KCNU1: variants seen among roughly 807,000 people sequenced by gnomAD.
KCNU1 encodes the protein potassium calcium-activated channel subfamily U member 1.
In KCNU1, 93 loss-of-function variants were observed where a neutral mutation model predicts 126.8. That is an observed-to-expected ratio of 0.73 (90% confidence interval 0.62 to 0.87). The LOEUF (loss-of-function observed/expected upper bound fraction) is 0.87. Ranked by LOEUF, KCNU1 falls within the 40% of genes least tolerant of loss-of-function variation. The pLI, the probability that KCNU1 is intolerant of heterozygous loss-of-function variation, is 0.00. For synonymous variants in KCNU1, 523 were observed against 494.2 expected, an observed-to-expected ratio of 1.06 and a Z score of -0.77; for missense variants, 1,330 against 1,367.1, an observed-to-expected ratio of 0.97 and a Z score of 0.43.
At chr8:36,833,105 T>C (rs1348913802) in intron 10 of KCNU1, among the ~76,000 whole-genome samples, 1 of 152,192 alleles carries the variant, frequency 6.6e-6, no homozygotes, top group African/African-American at 2.4e-5. Context: ...ATTTGTGTGT[T>C]CTTTATAAAA....
intron 19 of KCNU1, among the ~76,000 whole-genome samples, chr8:36,880,439 A>G (rs1319054027): frequency 6.6e-6 from 1 of 152,118 alleles, no homozygotes; most frequent in Non-Finnish European, 1.5e-5. Context: ...AAGTTTTTAT[A>G]GCCTTACATT....
intron 19 of KCNU1, among the ~76,000 whole-genome samples, chr8:36,901,260 C>A (rs1490831088): frequency 6.6e-6 from 1 of 152,108 alleles, no homozygotes; most frequent in African/African-American, 2.4e-5. Context: ...GAAACCTAGT[C>A]CACCTTCTTA....
At chr8:36,787,480 A>G in intron 2 of KCNU1, 55 bp downstream of exon 2, 1 of 1,536,654 alleles carries the variant, frequency 6.5e-7, no homozygotes, top group Non-Finnish European at 8.8e-7. Context: ...AGGTGTGATT[A>G]TAGTCAGCAC....
At chr8:36,832,114 A>T (rs775716967) in intron 10 of KCNU1, among the ~76,000 whole-genome samples, 20 of 152,096 alleles carry the variant, frequency 1.3e-4, no homozygotes, top group Non-Finnish European at 2.4e-4. Flanking sequence ...TGTTCCATTG[A>T]TCTATATCTC....
intron 6 of KCNU1, 74 bp from the exon 7 acceptor site, chr8:36,808,644 A>G (rs765936947): frequency 3.6e-5 from 32 of 896,942 alleles, no homozygotes; most frequent in Non-Finnish European, 5.4e-5. Flanking sequence ...GTGTAGCAAC[A>G]TCTTAGAGGA....
chr8:36,927,000 C>T (rs1808555282), intron 24 of KCNU1, among the ~76,000 whole-genome samples: 1 of 151,960 alleles, frequency 6.6e-6, no homozygotes, highest in South Asian at 2.1e-4. Flanking sequence ...ATTAAGGGCC[C>T]TCTTCCTTCC....
At chr8:36,862,185 GTAGA>G (rs529675811) in intron 18 of KCNU1, among the ~76,000 whole-genome samples, 142 of 152,090 alleles carry the variant, frequency 9.3e-4, no homozygotes, top group African/African-American at 2.8e-3. Context: ...AGGTAGGTAG[GTAGA>G]TAGATAGATA....
At chr8:36,885,452 G>A (rs1475030174) in intron 19 of KCNU1, among the ~76,000 whole-genome samples, 1 of 152,120 alleles carries the variant, frequency 6.6e-6, no homozygotes, top group African/African-American at 2.4e-5. Flanking sequence ...CTACTGGGGA[G>A]GCTGAAGCAG....
intron 25 of KCNU1, among the ~76,000 whole-genome samples, chr8:36,931,985 T>G (rs1332619494): frequency 6.6e-6 from 1 of 152,128 alleles, no homozygotes; most frequent in Non-Finnish European, 1.5e-5. Flanking sequence ...TAATTGGCAT[T>G]GCATTCAGTT....
intron 2 of KCNU1, among the ~76,000 whole-genome samples, chr8:36,797,204 T>C (rs528845123): frequency 6.6e-6 from 1 of 152,206 alleles, no homozygotes; most frequent in African/African-American, 2.4e-5. Context: ...GAGGCTATAA[T>C]AACACCCATT....
chr8:36,896,561 G>A (rs1563321905), intron 19 of KCNU1, among the ~76,000 whole-genome samples: 1 of 151,920 alleles, frequency 6.6e-6, no homozygotes, highest in Admixed American at 6.6e-5. Context: ...GCAGATAAAG[G>A]AATCAAATAA....
intron 19 of KCNU1, among the ~76,000 whole-genome samples, chr8:36,878,506 T>C (rs964154385): frequency 1.3e-5 from 2 of 152,140 alleles, no homozygotes; most frequent in Non-Finnish European, 2.9e-5. Context: ...CTTCTCAGTT[T>C]CCCAGTTTCT....
At chr8:36,817,805 A>T in intron 10 of KCNU1, 45 bp downstream of exon 10, 2 of 896,398 alleles carry the variant, frequency 2.2e-6, no homozygotes, top group Non-Finnish European at 3.7e-6. Context: ...TAATACTTAA[A>T]ATACGTGTGA....
intron 22 of KCNU1, among the ~76,000 whole-genome samples, chr8:36,916,466 A>T (rs896643526): frequency 6.6e-6 from 1 of 151,956 alleles, no homozygotes; most frequent in African/African-American, 2.4e-5. Flanking sequence ...GAGGGAAGGG[A>T]ATAGAAGAGA....
chr8:36,860,244 A>G, intron 18 of KCNU1, among the ~76,000 whole-genome samples: 1 of 151,958 alleles, frequency 6.6e-6, no homozygotes, highest in African/African-American at 2.4e-5. Flanking sequence ...TGCCCAGCTA[A>G]TTTTTTGTAT....
At chr8:36,892,952 A>G (rs1225485243) in intron 19 of KCNU1, among the ~76,000 whole-genome samples, 1 of 151,662 alleles carries the variant, frequency 6.6e-6, no homozygotes, top group African/African-American at 2.4e-5. Context: ...CCCTCTATAG[A>G]AGTCTGTTAT....
At chr8:36,811,572 G>T (rs1469999194) in intron 7 of KCNU1, among the ~76,000 whole-genome samples, 1 of 152,156 alleles carries the variant, frequency 6.6e-6, no homozygotes, top group African/African-American at 2.4e-5. Flanking sequence ...ATAGCTTAAT[G>T]ATAAAATTCA....
At chr8:36,919,383 C>T (rs1374628817) in intron 23 of KCNU1, among the ~76,000 whole-genome samples, 1 of 149,614 alleles carries the variant, frequency 6.7e-6, no homozygotes, top group Admixed American at 6.8e-5. Flanking sequence ...GTATTTCCCC[C>T]CGTCACCTTA....
intron 19 of KCNU1, among the ~76,000 whole-genome samples, chr8:36,880,295 C>T (rs1806429122): frequency 6.6e-6 from 1 of 152,102 alleles, no homozygotes; most frequent in Non-Finnish European, 1.5e-5. Flanking sequence ...ATTATTAAAA[C>T]CTGTCACAAG....
Sources: allele counts gnomAD v4.1 joint callset (sites outside exome capture counted in the v4.1 genomes callset), GRCh38; gene constraint gnomAD v4.1.1; transcripts MANE v1.5; gene names NCBI Gene and HGNC (gene_info 2026-07-23, HGNC 2026-07-21).